The following MTSS1 variants were observed in gnomAD, a reference collection of about 807,000 sequenced individuals.
MTSS1 encodes the protein protein MTSS 1.
A neutral mutation model predicts 79.0 loss-of-function variants in MTSS1; 18 were observed. That is an observed-to-expected ratio of 0.23 (90% CI 0.16 to 0.34). The LOEUF (loss-of-function observed/expected upper bound fraction) is 0.34. MTSS1 is among the 10% of genes least tolerant of loss of function. The pLI, the probability that MTSS1 is intolerant of heterozygous loss-of-function variation, is 1.00. For missense variants in MTSS1, 815 were observed against 986.2 expected (o/e 0.83, Z 2.33); for synonymous variants, 341 against 368.6 (o/e 0.93, Z 0.86).
intron 6 of MTSS1, among the ~76,000 whole-genome samples, chr8:124,574,461 A>C (rs1052566308): frequency 6.6e-6 from 1 of 152,264 alleles, no homozygotes; most frequent in Non-Finnish European, 1.5e-5. Flanking sequence ...GCACTAAGCC[A>C]GCCACGGGCA....
At chr8:124,687,784 C>T (rs147505527) in intron 3 of MTSS1, among the ~76,000 whole-genome samples, 176 of 152,332 alleles carry the variant, frequency 1.2e-3, no homozygotes, top group Middle Eastern at 6.8e-3. Context: ...GATCCTCTGG[C>T]CATCTTTGAG....
intron 1 of MTSS1, among the ~76,000 whole-genome samples, chr8:124,713,665 C>T (rs1049664369): frequency 6.6e-6 from 1 of 151,968 alleles, no homozygotes; most frequent in Non-Finnish European, 1.5e-5. Context: ...CTCAGATGAT[C>T]TGCCCGCCTC....
intron 11 of MTSS1, among the ~76,000 whole-genome samples, chr8:124,557,151 A>C (rs763112825): frequency 9.2e-5 from 14 of 152,208 alleles, no homozygotes; most frequent in Non-Finnish European, 1.5e-4. Context: ...CTCAAGACTA[A>C]AACTAAAGTC....
chr8:124,655,613 G>T (rs1820800107), intron 3 of MTSS1, among the ~76,000 whole-genome samples: 1 of 152,218 alleles, frequency 6.6e-6, no homozygotes, highest in Admixed American at 6.5e-5. Flanking sequence ...TTTACCACTA[G>T]CTGCCTGGGA....
chr8:124,603,985 G>T (rs1408365033), intron 3 of MTSS1, among the ~76,000 whole-genome samples: 1 of 152,176 alleles, frequency 6.6e-6, no homozygotes, highest in Non-Finnish European at 1.5e-5. Context: ...GCTGGGCATG[G>T]TGGCTCACCT....
intron 3 of MTSS1, among the ~76,000 whole-genome samples, chr8:124,661,159 A>G (rs1227072743): frequency 3.3e-5 from 5 of 152,188 alleles, no homozygotes; most frequent in Non-Finnish European, 7.3e-5. Context: ...GGTTTCAGTA[A>G]CAACAGCTCA....
intron 3 of MTSS1, among the ~76,000 whole-genome samples, chr8:124,625,452 G>T (rs1814472456): frequency 6.6e-6 from 1 of 152,234 alleles, no homozygotes; most frequent in South Asian, 2.1e-4. Context: ...CCAGGGAAAT[G>T]AGTGCATGGT....
intron 1 of MTSS1, among the ~76,000 whole-genome samples, chr8:124,707,361 A>G (rs1409552680): frequency 1.3e-5 from 2 of 151,484 alleles, no homozygotes; most frequent in Non-Finnish European, 2.9e-5. Flanking sequence ...AGCCCAGACA[A>G]CATGGCGAGA....
At chr8:124,592,124 A>C (rs552139655) in intron 3 of MTSS1, among the ~76,000 whole-genome samples, 1 of 152,176 alleles carries the variant, frequency 6.6e-6, no homozygotes, top group Non-Finnish European at 1.5e-5. Context: ...GAGCAACACC[A>C]GTCTTCAAGC....
At chr8:124,710,343 G>T (rs1013861400) in intron 1 of MTSS1, among the ~76,000 whole-genome samples, 7 of 152,244 alleles carry the variant, frequency 4.6e-5, no homozygotes, top group Admixed American at 3.3e-4. Flanking sequence ...TCCTGGGAGA[G>T]AGAGGAAAAT....
rs144181750 is a variant in MTSS1, at chr8:124,591,174, T to C, written c.270A>G (p.Glu90=). Residue 90 remains glutamate, a synonymous_variant, in exon 4 of 14, where the codon GAA becomes GAG. Coordinates refer to ENST00000518547, the MANE Select transcript of MTSS1 (RefSeq NM_014751.6). The part of the protein sequence containing the change: ...TRMCMRHRSI[E]AKLRQFSSAL... ...ACCTCGAAAACTGCCTCAGCTTGGC[T>C]TCAATGCTTCTGTGCCTCATGCACA... The C allele has an allele frequency of 6.5e-5, 105 of 1,614,252 alleles. No homozygotes were observed. In the African/African-American group the frequency reaches 1.2e-3, roughly 19 times the overall value.
chr8:124,553,489 G>A lies in MTSS1; in HGVS notation c.1771C>T (p.Arg591Trp), dbSNP rs1822925209. Reference protein sequence around the residue: ...MVTPGVATIRRTPSTKPSVRR... With the variant: ...MVTPGVATIRWTPSTKPSVRR... ...ACAGAAGGCTTGGTGGAAGGGGTCC[G>A]TCGGATAGTTGCAACCCCTGGAGTG... Residue 591 changes from arginine (R) to tryptophan (W), a missense_variant, in exon 14 of 14, where the codon CGG (arginine) becomes TGG (tryptophan). Around this residue, in one of 2 missense-constraint regions of MTSS1, gnomAD observed 590 missense variants for 620.8 expected, o/e 0.95. Coordinates refer to ENST00000518547, the MANE Select transcript of MTSS1 (RefSeq NM_014751.6). The surrounding 1 kb of genome is among the most constrained non-coding windows in gnomAD (Gnocchi z 6.0). 6.2e-7 allele frequency: 1 copy of A among 1,612,612 alleles called. No individual in the cohort carries two copies. Among genetic ancestry groups the A allele is most frequent in the Non-Finnish European group, 8.5e-7 (1 of 1,178,888 alleles).
chr8:124,727,576 T>C lies in MTSS1; in HGVS notation c.72+308A>G. The stretch of plus-strand genomic sequence containing the variant: ...AGACACTTACTTCAGGGACAGACAA[T>C]GGGAAAACTTGCAGCCAGTGCCTTG... On this transcript the variant is annotated intron_variant, in intron 1 of 13. Transcript: ENST00000518547. The surrounding 1 kb of genome is among the most constrained non-coding windows in gnomAD (Gnocchi z 4.7). The C allele has an allele frequency of 1.8e-6, 1 of 543,348 alleles. No homozygotes were observed. Among genetic ancestry groups the C allele is most frequent in the East Asian group, 4.6e-5 (1 of 21,906 alleles). The allele number at this position is 543,348 out of a possible 1,614,324, so 33.7% of individuals were successfully genotyped here. A position where few individuals can be genotyped will look rare whatever the true frequency, so the allele number is the denominator to read the frequency against.
chr8:124,599,182 A>G (rs1833305339), intron 3 of MTSS1, among the ~76,000 whole-genome samples: 1 of 152,182 alleles, frequency 6.6e-6, no homozygotes. Context: ...ACTAGGGTTC[A>G]AGTTTAAAAG....
At chr8:124,634,479 C>A (rs1053347082) in intron 3 of MTSS1, among the ~76,000 whole-genome samples, 1 of 151,926 alleles carries the variant, frequency 6.6e-6, no homozygotes, top group Admixed American at 6.6e-5. Context: ...ATAAAAAGTC[C>A]CAATTTGCCC....
intron 9 of MTSS1, 120 bp from the exon 10 acceptor site, chr8:124,563,112 T>C: frequency 1.2e-6 from 1 of 815,226 alleles, no homozygotes. Flanking sequence ...CACAACATAA[T>C]GCAATTAGCT....
chr8:124,726,531 G>T (rs773168064), intron 1 of MTSS1, among the ~76,000 whole-genome samples: 2 of 152,238 alleles, frequency 1.3e-5, no homozygotes, highest in African/African-American at 4.8e-5. Context: ...GAGAGCTGTA[G>T]AAAGATTTCA....
chr8:124,605,590 G>GCTGCCTCCCTCCCTGCCCTCTCA, intron 3 of MTSS1, among the ~76,000 whole-genome samples: 1 of 138,332 alleles, frequency 7.2e-6, no homozygotes, highest in Non-Finnish European at 1.5e-5. Context: ...CTGCCCTCTC[G>GCTGCCTCCCTCCCTGCCCTCTCA]CTGCCTCCCT....
chr8:124,711,459 C>G (rs1410119018), intron 1 of MTSS1, among the ~76,000 whole-genome samples: 1 of 152,162 alleles, frequency 6.6e-6, no homozygotes, highest in Non-Finnish European at 1.5e-5. Context: ...CCAAGTGTTC[C>G]CTGATTCTGG....
Sources: allele counts gnomAD v4.1 joint callset (sites outside exome capture counted in the v4.1 genomes callset), GRCh38; gene constraint gnomAD v4.1.1; regional missense constraint gnomAD v4.1.1; non-coding constraint Gnocchi (gnomAD v3.1); transcripts MANE v1.5; gene names NCBI Gene and HGNC (gene_info 2026-07-23, HGNC 2026-07-21).